GPC6: variants seen among roughly 807,000 people sequenced by gnomAD.
The protein encoded by GPC6 is glypican 6.
In GPC6, 14 loss-of-function variants were observed where a neutral mutation model predicts 55.2. That is an observed-to-expected ratio of 0.25 (90% CI 0.17 to 0.40). The LOEUF (loss-of-function observed/expected upper bound fraction) is 0.40, where lower values mean the gene tolerates loss of function less well. GPC6 is among the 10% of genes least tolerant of loss of function. The pLI is 1.00. For synonymous variants in GPC6, 278 were observed against 259.6 expected (o/e 1.07, Z -0.68); for missense variants, 641 against 708.5 (o/e 0.90, Z 1.08).
intron 4 of GPC6, among the ~76,000 whole-genome samples, chr13:94,073,852 T>C (rs1437810923): frequency 1.3e-5 from 2 of 152,178 alleles, no homozygotes; most frequent in East Asian, 3.8e-4. Flanking sequence ...AAAAATGACA[T>C]AAATGGTGCT....
intron 6 of GPC6, among the ~76,000 whole-genome samples, chr13:94,322,456 G>A (rs1156256633): frequency 1.3e-5 from 2 of 152,164 alleles, no homozygotes; most frequent in Admixed American, 6.5e-5. Flanking sequence ...GGCAGGGGGA[G>A]TCTTTACAGA....
Position 94,373,006 on chromosome 13 carries a change from A to C in GPC6, c.1153-9408A>C, listed in dbSNP as rs556272588. Among the ~76,000 whole-genome samples, 148 of 152,264 alleles carry C rather than the reference A, an allele frequency of 9.7e-4. No homozygotes were observed. The Middle Eastern group carries it at 0.01, about 10-fold the overall frequency. ...CAACAGACCTGCAGCTGAGGGTCCT[A>C]TCTGTTAGAAGGAAAACTAAAAAAC... is the stretch of plus-strand genomic sequence containing the variant. On this transcript the variant is annotated intron_variant, in intron 6 of 8. Coordinates refer to ENST00000377047, the MANE Select transcript of GPC6 (RefSeq NM_005708.5).
chr13:93,788,097 A>G lies in GPC6; in HGVS notation c.320-42057A>G, dbSNP rs376534043. Among the ~76,000 whole-genome samples, 112 of 152,322 alleles carry G rather than the reference A, an allele frequency of 7.4e-4. 3 individuals carry two copies. The South Asian group carries it at 0.021, about 29-fold the overall frequency. The stretch of plus-strand genomic sequence containing the variant: ...TTTGTTTATACTGCTATAATAGAAC[A>G]CCATAAACTAGGTAATTTACAAATA... On this transcript the variant is annotated intron_variant, in intron 2 of 8. Coordinates refer to ENST00000377047, the MANE Select transcript of GPC6 (RefSeq NM_005708.5).
At chr13:94,173,907 G>A (rs835980) in intron 4 of GPC6, among the ~76,000 whole-genome samples, 151,582 of 152,320 alleles carry the variant, frequency 1, 75,427 homozygotes, top group Non-Finnish European at 1. Flanking sequence ...CTGTGGTAAC[G>A]TAATTGCAAA....
intron 1 of GPC6, among the ~76,000 whole-genome samples, chr13:93,455,306 A>G (rs1594181625): frequency 6.6e-6 from 1 of 152,166 alleles, no homozygotes; most frequent in Non-Finnish European, 1.5e-5. Flanking sequence ...AGGCGCCCAG[A>G]GCGAGGGAGG....
chr13:93,846,067 G>A (rs1888166179), intron 3 of GPC6, among the ~76,000 whole-genome samples: 1 of 152,002 alleles, frequency 6.6e-6, no homozygotes, highest in South Asian at 2.1e-4. Context: ...TAGGACCAGG[G>A]AAGAATCCTC....
intron 4 of GPC6, among the ~76,000 whole-genome samples, chr13:94,191,616 A>T (rs1481089026): frequency 1.3e-5 from 2 of 152,148 alleles, no homozygotes; most frequent in Non-Finnish European, 2.9e-5. Flanking sequence ...CTGGAAAAAA[A>T]AAAAAATAAT....
intron 4 of GPC6, among the ~76,000 whole-genome samples, chr13:94,090,119 G>A (rs1053643101): frequency 2.0e-5 from 3 of 152,088 alleles, no homozygotes; most frequent in African/African-American, 7.2e-5. Context: ...CCACATGGCT[G>A]GGAAGGCTTC....
intron 1 of GPC6, among the ~76,000 whole-genome samples, chr13:93,323,877 T>C (rs1879547074): frequency 6.6e-6 from 1 of 152,094 alleles, no homozygotes; most frequent in Non-Finnish European, 1.5e-5. Flanking sequence ...AGGAGAACAG[T>C]TGGGTGATTC....
chr13:93,706,626 T>C (rs544647026), intron 2 of GPC6, among the ~76,000 whole-genome samples: 1 of 151,856 alleles, frequency 6.6e-6, no homozygotes, highest in Admixed American at 6.6e-5. Context: ...GCAAGTGTCA[T>C]GTAGGGAATA....
chr13:93,746,972 ATGTTCAAAGGCTT>A (rs1274735513), intron 2 of GPC6, among the ~76,000 whole-genome samples: 1 of 152,224 alleles, frequency 6.6e-6, no homozygotes, highest in Non-Finnish European at 1.5e-5. Context: ...ATATGTGAAC[ATGTTCAAAGGCTT>A]TTAATAAATA....
intron 1 of GPC6, among the ~76,000 whole-genome samples, chr13:93,250,933 A>T (rs1055224190): frequency 2.0e-5 from 3 of 152,178 alleles, no homozygotes; most frequent in Non-Finnish European, 2.9e-5. Context: ...AGGCCTCACA[A>T]TCATGGTGGA....
intron 2 of GPC6, among the ~76,000 whole-genome samples, chr13:93,734,369 A>G (rs1325673909): frequency 6.6e-6 from 1 of 152,218 alleles, no homozygotes; most frequent in Non-Finnish European, 1.5e-5. Flanking sequence ...CAAAAGCTGC[A>G]GCCACAGTAG....
At chr13:93,652,928 G>A (rs560363462) in intron 2 of GPC6, among the ~76,000 whole-genome samples, 85 of 152,144 alleles carry the variant, frequency 5.6e-4, no homozygotes, top group Non-Finnish European at 9.0e-4. Context: ...CTTAAATTTG[G>A]GTCAGGATAG....
chr13:94,018,181 G>A (rs539694147), intron 3 of GPC6, among the ~76,000 whole-genome samples: 1 of 151,932 alleles, frequency 6.6e-6, no homozygotes, highest in African/African-American at 2.4e-5. Flanking sequence ...ATGATTGTGT[G>A]TGTTTTTCCT....
rs575062410 is a variant in GPC6 at position 93,391,760 on chromosome 13, G to C, written c.161-153503G>C. ...TTTAAGATTTAGTGGCCTATACTAAGGGGCACTTATCTTGCTACAAGATAG... is the reference window on the plus strand; with the variant it reads ...TTTAAGATTTAGTGGCCTATACTAACGGGCACTTATCTTGCTACAAGATAG... On this transcript the variant is annotated intron_variant, in intron 1 of 8. Transcript: ENST00000377047. Among the ~76,000 whole-genome samples, 5 of 152,180 alleles carry C rather than the reference G, an allele frequency of 3.3e-5. No individual in the cohort carries two copies. In the East Asian group the frequency reaches 9.7e-4, roughly 29 times the overall value.
At chr13:93,832,607 G>A (rs1887563573) in intron 3 of GPC6, among the ~76,000 whole-genome samples, 1 of 152,116 alleles carries the variant, frequency 6.6e-6, no homozygotes, top group Admixed American at 6.5e-5. Flanking sequence ...TGTCTACAAA[G>A]CCATGAGGGA....
chr13:93,376,662 T>G (rs2139198388), intron 1 of GPC6, among the ~76,000 whole-genome samples: 1 of 152,322 alleles, frequency 6.6e-6, no homozygotes. Flanking sequence ...CAGACCTAAT[T>G]ACCATGTGAT....
chr13:93,717,339 A>G (rs550101516), intron 2 of GPC6, among the ~76,000 whole-genome samples: 23 of 151,766 alleles, frequency 1.5e-4, no homozygotes, highest in African/African-American at 5.1e-4. Flanking sequence ...ATTTAAGTGT[A>G]AATAAGTTGG....
Sources: gnomAD v4.1 joint callset for allele counts (sites outside exome capture counted in the v4.1 genomes callset) on GRCh38, gnomAD v4.1.1 for gene constraint, MANE v1.5 for transcripts, NCBI Gene and HGNC (gene_info 2026-07-23, HGNC 2026-07-21) for gene names.